Variants in CYP7B1 observed in about 807,000 individuals in gnomAD.
CYP7B1 encodes cytochrome P450 family 7 subfamily B member 1, also known as cytochrome P450 7B1.
CYP7B1 carries 29 observed loss-of-function variants against 42.7 expected under a neutral mutation model. The observed-to-expected ratio is 0.68, with a 90% confidence interval of 0.51 to 0.93. CYP7B1 has a LOEUF of 0.93. Among genes scored for constraint, CYP7B1 ranks in the 40% least tolerant of loss-of-function variants. The pLI is 0.00. For synonymous variants in CYP7B1, 235 were observed against 218.2 expected (o/e 1.08, Z -0.68); for missense variants, 655 against 600.5 (o/e 1.09, Z -0.95).
At chr8:64,783,477 GA>G (rs1164879472) in intron 1 of CYP7B1, among the ~76,000 whole-genome samples, 2 of 151,720 alleles carry the variant, frequency 1.3e-5, no homozygotes, top group African/African-American at 4.8e-5. Flanking sequence ...CAGCATTGGA[GA>G]GGGGAGTATA....
At position 64,736,725 on chromosome 8, in the gene CYP7B1, A is replaced by G. The variant is rs150151450; in HGVS notation, c.122+61741T>C. 9.2e-3 allele frequency among the ~76,000 whole-genome samples: 1,399 copies of G among 152,272 alleles called. 21 individuals are homozygous for G. The highest frequency in any genetic ancestry group is 0.032 in the African/African-American group (1,329 of 41,550). ...CAGCCTCCCAAAGTGCTGGGATTAC[A>G]GGTGTGAGCCACCACACCTGGGCTG... On this transcript the variant is annotated intron_variant, in intron 1 of 5. Coordinates refer to ENST00000310193, the MANE Select transcript of CYP7B1 (RefSeq NM_004820.5).
intron 1 of CYP7B1, among the ~76,000 whole-genome samples, chr8:64,730,751 GCACACA>G (rs61050207): frequency 1.4e-4 from 20 of 142,970 alleles, no homozygotes; most frequent in South Asian, 1.1e-3. Flanking sequence ...AGGACTGTCT[GCACACA>G]CACACACACA....
At chr8:64,697,792 G>T (rs751330296) in intron 1 of CYP7B1, among the ~76,000 whole-genome samples, 4 of 152,154 alleles carry the variant, frequency 2.6e-5, no homozygotes, top group Non-Finnish European at 2.9e-5. Context: ...CTCAACCACT[G>T]ATAGAAATGT....
intron 1 of CYP7B1, among the ~76,000 whole-genome samples, chr8:64,749,917 T>G (rs1312475261): frequency 2.0e-5 from 3 of 152,182 alleles, no homozygotes; most frequent in African/African-American, 7.2e-5. Flanking sequence ...ATAAAAAGTT[T>G]CTTGACAGCA....
At chr8:64,689,000 GT>G (rs1236369905) in intron 1 of CYP7B1, among the ~76,000 whole-genome samples, 1 of 152,142 alleles carries the variant, frequency 6.6e-6, no homozygotes, top group African/African-American at 2.4e-5. Context: ...CTGCCATTAA[GT>G]TTAAATATCC....
intron 1 of CYP7B1, among the ~76,000 whole-genome samples, chr8:64,738,478 G>T (rs1049038557): frequency 1.3e-5 from 2 of 151,976 alleles, no homozygotes; most frequent in Admixed American, 6.6e-5. Context: ...TTTGATCACT[G>T]ATTTAAAAGA....
downstream of CYP7B1, among the ~76,000 whole-genome samples, chr8:64,588,394 A>T (rs183387567): frequency 1.6e-3 from 248 of 152,364 alleles, 1 homozygote; most frequent in African/African-American, 5.6e-3. Flanking sequence ...AAGTTCAGAG[A>T]TATTTAAAGG....
chr8:64,679,025 C>T (rs1806494916), intron 1 of CYP7B1, among the ~76,000 whole-genome samples: 1 of 151,834 alleles, frequency 6.6e-6, no homozygotes, highest in African/African-American at 2.4e-5. Context: ...ATATGACAGT[C>T]CTTGTACGTT....
chr8:64,620,170 A>T (rs941868026), intron 2 of CYP7B1, among the ~76,000 whole-genome samples: 1 of 152,154 alleles, frequency 6.6e-6, no homozygotes, highest in African/African-American at 2.4e-5. Flanking sequence ...TGGGTGACAA[A>T]AGGAGAACCT....
At chr8:64,699,909 T>G (rs1354317566) in intron 1 of CYP7B1, among the ~76,000 whole-genome samples, 1 of 152,088 alleles carries the variant, frequency 6.6e-6, no homozygotes, top group Admixed American at 6.6e-5. Context: ...AAATATGAGT[T>G]GCATCAATCT....
chr8:64,711,138 A>G (rs554255885), intron 1 of CYP7B1, among the ~76,000 whole-genome samples: 1 of 152,304 alleles, frequency 6.6e-6, no homozygotes, highest in South Asian at 2.1e-4. Context: ...CAAATCTCTC[A>G]AAGTTTAATA....
chr8:64,685,905 T>C (rs1392753863), intron 1 of CYP7B1, among the ~76,000 whole-genome samples: 10 of 23,512 alleles, frequency 4.3e-4, no homozygotes, highest in East Asian at 8.9e-4. Flanking sequence ...TGGCCAGCCG[T>C]GCCGTCCGGG....
At chr8:64,627,567 A>G (rs1441112213) in intron 1 of CYP7B1, among the ~76,000 whole-genome samples, 2 of 152,200 alleles carry the variant, frequency 1.3e-5, no homozygotes, top group Non-Finnish European at 2.9e-5. Flanking sequence ...TTCATCCTCT[A>G]TGCTCTGTTA....
rs544147469 is a variant in CYP7B1 at position 64,620,461 on chromosome 8, A to G, written c.259+3942T>C. 2.0e-5 allele frequency among the ~76,000 whole-genome samples: 3 copies of G among 152,306 alleles called. No homozygotes were observed. In the East Asian group the frequency reaches 5.8e-4, roughly 29 times the overall value. On this transcript the variant is annotated intron_variant, in intron 2 of 5. Transcript: ENST00000310193. The stretch of plus-strand genomic sequence containing the variant: ...GAAAACGATTCCACTGCACCACCAC[A>G]CAAAACCAATTAGAGAACTATTTTC...
At chr8:64,662,283 T>G (rs1325793083) in intron 1 of CYP7B1, among the ~76,000 whole-genome samples, 1 of 152,134 alleles carries the variant, frequency 6.6e-6, no homozygotes. Context: ...CGGTGTGCTT[T>G]ATCACACCAC....
chr8:64,633,840 G>T (rs527805328), intron 1 of CYP7B1, among the ~76,000 whole-genome samples: 1 of 152,300 alleles, frequency 6.6e-6, no homozygotes, highest in African/African-American at 2.4e-5. Flanking sequence ...TATACTACCT[G>T]ATGTTAAGAC....
At chr8:64,720,399 A>C (rs1021812887) in intron 1 of CYP7B1, among the ~76,000 whole-genome samples, 3 of 152,208 alleles carry the variant, frequency 2.0e-5, no homozygotes, top group Non-Finnish European at 4.4e-5. Context: ...ATGTGAAAAT[A>C]TCAGCTGACC....
intron 4 of CYP7B1, among the ~76,000 whole-genome samples, chr8:64,613,878 G>T (rs1585806341): frequency 6.6e-6 from 1 of 152,232 alleles, no homozygotes; most frequent in Non-Finnish European, 1.5e-5. Context: ...GCCACTGAGG[G>T]TGAACATTGA....
intron 1 of CYP7B1, among the ~76,000 whole-genome samples, chr8:64,770,041 G>A (rs546495772): frequency 2.5e-4 from 38 of 152,112 alleles, no homozygotes; most frequent in African/African-American, 8.2e-4. Context: ...GTGTGTGTGC[G>A]TGTGTGGACG....
Sources: gnomAD v4.1 joint callset for allele counts (sites outside exome capture counted in the v4.1 genomes callset) on GRCh38, gnomAD v4.1.1 for gene constraint, MANE v1.5 for transcripts, NCBI Gene and HGNC (gene_info 2026-07-23, HGNC 2026-07-21) for gene names.